Variants in DLG2 observed in about 807,000 individuals in gnomAD.
DLG2 encodes disks large homolog 2.
In DLG2, 45 loss-of-function variants were observed where a neutral mutation model predicts 132.5. The ratio of observed to expected loss-of-function variants is 0.34; its 90% CI spans 0.27 to 0.44. The LOEUF is 0.44. Ranked by LOEUF, DLG2 falls within the 20% of genes least tolerant of loss-of-function variation. The pLI is 1.00. For missense variants in DLG2, 1,045 were observed against 1,196.9 expected (o/e 0.87, Z 1.87); for synonymous variants, 424 against 419.6 (o/e 1.01, Z -0.13).
chr11:83,675,971 A>G lies in DLG2; in HGVS notation c.1826-42646T>C, dbSNP rs150588136. Among the ~76,000 whole-genome samples, 904 of 152,302 alleles carry G rather than the reference A, an allele frequency of 5.9e-3. 13 individuals carry two copies. Among genetic ancestry groups the G allele is most frequent in the African/African-American group, 0.021 (862 of 41,556 alleles). Reference sequence around the variant, plus strand: ...TAGACATTTGTACATTATGTATTGTACATTTCACAAGTTATAGATGGCTGC... The same window carrying G: ...TAGACATTTGTACATTATGTATTGTGCATTTCACAAGTTATAGATGGCTGC... On this transcript the variant is annotated intron_variant, in intron 18 of 27. Coordinates refer to ENST00000376104, the MANE Select transcript of DLG2 (RefSeq NM_001142699.3).
chr11:83,811,366 C>A (rs1258779392), intron 17 of DLG2, among the ~76,000 whole-genome samples: 1 of 152,080 alleles, frequency 6.6e-6, no homozygotes, highest in East Asian at 1.9e-4. Flanking sequence ...ATGCAAGAGT[C>A]TGTATTAGGT....
At chr11:84,638,511 T>G (rs976620518) in intron 6 of DLG2, among the ~76,000 whole-genome samples, 2 of 152,202 alleles carry the variant, frequency 1.3e-5, no homozygotes, top group East Asian at 3.8e-4. Flanking sequence ...CATTTAAGAT[T>G]AAAAGCAACA....
intron 6 of DLG2, among the ~76,000 whole-genome samples, chr11:84,866,255 C>T (rs11823687): frequency 0.084 from 12,857 of 152,156 alleles, 649 homozygotes; most frequent in Non-Finnish European, 0.11. Context: ...GGAGCCTGAT[C>T]AAGTATGTGT....
chr11:83,805,733 A>G (rs2045731727), intron 17 of DLG2, among the ~76,000 whole-genome samples: 1 of 152,050 alleles, frequency 6.6e-6, no homozygotes, highest in Non-Finnish European at 1.5e-5. Context: ...TTATGTGCAA[A>G]TTTCTTAGCC....
intron 6 of DLG2, among the ~76,000 whole-genome samples, chr11:85,027,524 G>A (rs537872188): frequency 3.3e-5 from 5 of 152,212 alleles, no homozygotes; most frequent in Admixed American, 6.5e-5. Context: ...TACTGGCCTC[G>A]ATCTCACACC....
intron 3 of DLG2, among the ~76,000 whole-genome samples, chr11:85,573,408 A>G (rs890663342): frequency 5.9e-5 from 9 of 152,232 alleles, no homozygotes; most frequent in African/African-American, 2.2e-4. Flanking sequence ...CCCTCCACAG[A>G]GTGAATTAGG....
At chr11:84,433,038 A>T (rs148846514) in intron 7 of DLG2, among the ~76,000 whole-genome samples, 2 of 152,222 alleles carry the variant, frequency 1.3e-5, no homozygotes, top group South Asian at 2.1e-4. Flanking sequence ...ATTCAAAAAA[A>T]GTTTTCCAAG....
intron 3 of DLG2, among the ~76,000 whole-genome samples, chr11:85,579,671 G>GA (rs1167983713): frequency 1.3e-5 from 2 of 151,972 alleles, no homozygotes; most frequent in Non-Finnish European, 2.9e-5. Flanking sequence ...AGATGAAAAG[G>GA]CATGAACTGT....
intron 6 of DLG2, among the ~76,000 whole-genome samples, chr11:85,040,909 T>G (rs2061805695): frequency 6.6e-6 from 1 of 151,806 alleles, no homozygotes; most frequent in Admixed American, 6.6e-5. Context: ...ATGAGGAAAC[T>G]AAGAGAAAAA....
chr11:83,459,776 T>C lies in DLG2; in HGVS notation c.*42A>G. The C allele has an allele frequency of 9.2e-7, 1 of 1,086,508 alleles. No individual in the cohort carries two copies. Among genetic ancestry groups the C allele is most frequent in the Non-Finnish European group, 1.4e-6 (1 of 702,142 alleles). The allele number at this position is 1,086,508 out of a possible 1,614,324, so 67.3% of individuals were successfully genotyped here. ...TAGTATGTTATATATATTTTGTTCT[T>C]CTAAATGCTCTTCTGTCGTTGTCAG... On this transcript the variant is annotated 3_prime_UTR_variant, in exon 28 of 28. Transcript: ENST00000376104.
At chr11:84,189,212 A>G (rs2096350994) in intron 8 of DLG2, among the ~76,000 whole-genome samples, 1 of 152,186 alleles carries the variant, frequency 6.6e-6, no homozygotes, top group Non-Finnish European at 1.5e-5. Flanking sequence ...CAGCCAACAA[A>G]CATATGAATA....
chr11:85,549,240 C>T (rs1019406088), intron 3 of DLG2, among the ~76,000 whole-genome samples: 1 of 152,078 alleles, frequency 6.6e-6, no homozygotes, highest in African/African-American at 2.4e-5. Flanking sequence ...CAAGGTGTTC[C>T]CTGACCCCTT....
intron 6 of DLG2, among the ~76,000 whole-genome samples, chr11:84,984,021 C>A (rs1405470712): frequency 6.6e-6 from 1 of 152,100 alleles, no homozygotes; most frequent in African/African-American, 2.4e-5. Flanking sequence ...GTTAAACAAC[C>A]AAACTTAAGA....
chr11:84,477,065 A>G (rs1027174786), intron 7 of DLG2, among the ~76,000 whole-genome samples: 8 of 152,218 alleles, frequency 5.3e-5, no homozygotes, highest in African/African-American at 1.9e-4. Flanking sequence ...CGTGCCTGAA[A>G]TATAGTGGAC....
At chr11:83,764,037 C>A (rs1261265560) in intron 18 of DLG2, among the ~76,000 whole-genome samples, 2 of 152,176 alleles carry the variant, frequency 1.3e-5, no homozygotes, top group Non-Finnish European at 2.9e-5. Context: ...TTTGTTTGAA[C>A]AAGAGCCTCT....
intron 6 of DLG2, among the ~76,000 whole-genome samples, chr11:84,838,933 A>G (rs1033984630): frequency 2.0e-5 from 3 of 152,122 alleles, no homozygotes; most frequent in South Asian, 4.1e-4. Context: ...AAACTGGTAC[A>G]AGACAGGGAT....
intron 3 of DLG2, chr11:85,469,298 G>T (rs1444305505): frequency 1.3e-5 from 2 of 152,124 alleles, no homozygotes; most frequent in African/African-American, 2.4e-5. Context: ...TTCCAACTCT[G>T]GCTCCTTGTT....
intron 6 of DLG2, among the ~76,000 whole-genome samples, chr11:84,860,157 G>A (rs186924435): frequency 2.6e-4 from 39 of 152,106 alleles, no homozygotes; most frequent in Admixed American, 2.5e-3. Context: ...CAACCTCTTC[G>A]ACTTAAAAAA....
At chr11:84,810,976 T>C (rs1188138067) in intron 6 of DLG2, among the ~76,000 whole-genome samples, 1 of 151,888 alleles carries the variant, frequency 6.6e-6, no homozygotes. Context: ...ACATGTGGGG[T>C]CCTTGTGATA....
Sources: allele counts gnomAD v4.1 joint callset (sites outside exome capture counted in the v4.1 genomes callset), GRCh38; gene constraint gnomAD v4.1.1; transcripts MANE v1.5; gene names NCBI Gene and HGNC (gene_info 2026-07-23, HGNC 2026-07-21).